The following LRRC7 variants were observed in gnomAD, a reference collection of about 807,000 sequenced individuals.
The protein encoded by LRRC7 is leucine-rich repeat-containing protein 7.
LRRC7 carries 23 observed loss-of-function variants against 175.7 expected under a neutral mutation model. The ratio of observed to expected loss-of-function variants is 0.13; its 90% CI spans 0.09 to 0.19. The LOEUF is 0.19. Ranked by LOEUF, LRRC7 falls within the 10% of genes least tolerant of loss-of-function variation. The pLI is 1.00. For missense variants in LRRC7, 1,354 were observed against 1,904.7 expected (o/e 0.71, Z 5.38); for synonymous variants, 685 against 680.9 (o/e 1.01, Z -0.09).
chr1:69,970,123 G>A (rs958219052), intron 8 of LRRC7, among the ~76,000 whole-genome samples: 4 of 152,056 alleles, frequency 2.6e-5, no homozygotes, highest in Admixed American at 2.0e-4. Context: ...CTGGCATACA[G>A]CAAAGGCGGT....
At chr1:69,614,303 T>C (rs1182852470) in intron 1 of LRRC7, among the ~76,000 whole-genome samples, 3 of 152,186 alleles carry the variant, frequency 2.0e-5, no homozygotes, top group East Asian at 3.9e-4. Context: ...TCAGATTTTG[T>C]TGTAAAGACA....
At chr1:69,753,283 CGTGTGTGTGTGTATGTGTGT>C (rs1489252462) in intron 2 of LRRC7, among the ~76,000 whole-genome samples, 7 of 131,136 alleles carry the variant, frequency 5.3e-5, no homozygotes, top group African/African-American at 2.2e-4. Flanking sequence ...AAATCATTGT[CGTGTGTGTGTGTATGTGTGT>C]GTGTGTGTGT....
intron 1 of LRRC7, among the ~76,000 whole-genome samples, chr1:69,605,330 C>G (rs980491246): frequency 2.0e-5 from 3 of 152,054 alleles, no homozygotes; most frequent in Admixed American, 6.6e-5. Flanking sequence ...ACTGTGGGTC[C>G]ATAAAACCTC....
intron 1 of LRRC7, among the ~76,000 whole-genome samples, chr1:69,574,736 A>G (rs1645875493): frequency 6.6e-6 from 1 of 152,188 alleles, no homozygotes; most frequent in Admixed American, 6.6e-5. Flanking sequence ...GGCACCTTAC[A>G]GAATCATGTT....
At chr1:69,766,941 G>T (rs11209540) in intron 3 of LRRC7, among the ~76,000 whole-genome samples, 5,554 of 152,172 alleles carry the variant, frequency 0.036, 317 homozygotes, top group African/African-American at 0.13. Flanking sequence ...AAATTCAGTT[G>T]TTATTTTCAC....
intron 8 of LRRC7, among the ~76,000 whole-genome samples, chr1:69,947,149 A>AATC (rs1649423433): frequency 2.7e-5 from 4 of 150,518 alleles, no homozygotes; most frequent in Admixed American, 1.3e-4. Flanking sequence ...ATAAATAAAT[A>AATC]AATCTAAAGT....
intron 25 of LRRC7, among the ~76,000 whole-genome samples, chr1:70,092,215 GA>G (rs1174460621): frequency 1.3e-5 from 2 of 152,022 alleles, no homozygotes; most frequent in African/African-American, 4.8e-5. Flanking sequence ...TGAAAATGTT[GA>G]AAAACAGATT....
chr1:70,113,998 G>A (rs1665686218), intron 26 of LRRC7, among the ~76,000 whole-genome samples: 2 of 151,816 alleles, frequency 1.3e-5, no homozygotes, highest in Non-Finnish European at 2.9e-5. Context: ...AGTTATTACC[G>A]TAAATCATTA....
At chr1:69,770,672 A>AT (rs1454822969) in intron 3 of LRRC7, among the ~76,000 whole-genome samples, 1 of 152,212 alleles carries the variant, frequency 6.6e-6, no homozygotes, top group Non-Finnish European at 1.5e-5. Flanking sequence ...GAACAAAAAA[A>AT]TTGCCACTTG....
At chr1:70,014,511 A>G (rs970246044) in intron 13 of LRRC7, among the ~76,000 whole-genome samples, 3 of 151,966 alleles carry the variant, frequency 2.0e-5, no homozygotes, top group African/African-American at 7.2e-5. Flanking sequence ...ATGTCCTAGT[A>G]CAGTTGCTGG....
At position 70,125,165 on chromosome 1, in the gene LRRC7, A is replaced by G. The variant is rs1469970386; in HGVS notation, c.*3278A>G. On this transcript the variant is annotated 3_prime_UTR_variant, in exon 27 of 27. Transcript: ENST00000651989. ...TCAGTATGAAATAAAACATTATGCTAATGTATTGCTCATTGAAGCCTATAA... is the reference window on the plus strand; with the variant it reads ...TCAGTATGAAATAAAACATTATGCTGATGTATTGCTCATTGAAGCCTATAA... Among the ~76,000 whole-genome samples the G allele has an allele frequency of 1.3e-5, 2 of 152,240 alleles. No homozygotes were observed. The highest frequency in any genetic ancestry group is 2.9e-5 in the Non-Finnish European group (2 of 68,046).
At chr1:69,905,323 T>C (rs1233544570) in intron 7 of LRRC7, among the ~76,000 whole-genome samples, 1 of 152,044 alleles carries the variant, frequency 6.6e-6, no homozygotes, top group Non-Finnish European at 1.5e-5. Context: ...TTGTTACATA[T>C]GTATACATGT....
chr1:69,641,173 A>G (rs888522700), intron 1 of LRRC7, among the ~76,000 whole-genome samples: 5 of 151,768 alleles, frequency 3.3e-5, no homozygotes, highest in African/African-American at 9.6e-5. Context: ...CTCACTCTGG[A>G]ACAACAGTAC....
At chr1:69,708,238 C>A (rs1478146569) in intron 2 of LRRC7, among the ~76,000 whole-genome samples, 1 of 152,138 alleles carries the variant, frequency 6.6e-6, no homozygotes, top group Non-Finnish European at 1.5e-5. Context: ...GTATTTCTGT[C>A]TTCTCTTCCA....
At chr1:69,604,158 T>C (rs1647209098) in intron 1 of LRRC7, among the ~76,000 whole-genome samples, 1 of 152,156 alleles carries the variant, frequency 6.6e-6, no homozygotes, top group Non-Finnish European at 1.5e-5. Flanking sequence ...TCTGTGTTGT[T>C]TTCTCTGGGA....
intron 2 of LRRC7, among the ~76,000 whole-genome samples, chr1:69,741,153 A>G (rs547624820): frequency 4.6e-5 from 7 of 152,146 alleles, no homozygotes; most frequent in South Asian, 2.1e-4. Context: ...TCACTGAGCT[A>G]TGCAGGAGCA....
chr1:69,891,389 C>T (rs1167390094), intron 7 of LRRC7, among the ~76,000 whole-genome samples: 2 of 152,160 alleles, frequency 1.3e-5, no homozygotes, highest in Non-Finnish European at 2.9e-5. Context: ...CTTATATGGG[C>T]ATGGTTCATG....
intron 1 of LRRC7, among the ~76,000 whole-genome samples, chr1:69,599,347 C>T (rs1279765407): frequency 2.0e-5 from 3 of 152,070 alleles, no homozygotes; most frequent in South Asian, 4.1e-4. Context: ...AGTCTGTGAG[C>T]ATATGTGCAG....
At chr1:69,945,569 A>G (rs1303510927) in intron 8 of LRRC7, among the ~76,000 whole-genome samples, 1 of 152,112 alleles carries the variant, frequency 6.6e-6, no homozygotes, top group African/African-American at 2.4e-5. Flanking sequence ...GGATTGCATT[A>G]AATATGTAGA....
Sources: allele counts gnomAD v4.1 joint callset (sites outside exome capture counted in the v4.1 genomes callset), GRCh38; gene constraint gnomAD v4.1.1; transcripts MANE v1.5; gene names NCBI Gene and HGNC (gene_info 2026-07-23, HGNC 2026-07-21).